The following MAP7D2 variants were observed in gnomAD, a reference collection of about 807,000 sequenced individuals.
MAP7D2 encodes the protein MAP7 domain containing 2, also known as MAP7 domain-containing protein 2.
In MAP7D2, 33 loss-of-function variants were observed where a neutral mutation model predicts 63.5. The observed-to-expected ratio is 0.52, with a 90% CI of 0.39 to 0.70. The LOEUF (loss-of-function observed/expected upper bound fraction) is 0.70, where lower values mean the gene tolerates loss of function less well. Among genes scored for constraint, MAP7D2 ranks in the 30% least tolerant of loss-of-function variants. MAP7D2 has a pLI of 0.00. For synonymous variants in MAP7D2, 224 were observed against 223.7 expected, an observed-to-expected ratio of 1.00 and a Z score of -0.01; for missense variants, 626 against 604.0, an observed-to-expected ratio of 1.04 and a Z score of -0.38.
At chrX:20,029,028 G>A (rs1371537028) in intron 8 of MAP7D2, among the ~76,000 whole-genome samples, 2 of 112,100 alleles carry the variant, frequency 1.8e-5, no homozygotes, top group Non-Finnish European at 3.8e-5. Flanking sequence ...TGGTGAGAAT[G>A]AGCAAAGCTG....
At chrX:20,105,024 C>T (rs1383048815) in intron 1 of MAP7D2, among the ~76,000 whole-genome samples, 1 of 111,657 alleles carries the variant, frequency 9.0e-6, no homozygotes, top group Non-Finnish European at 1.9e-5. Context: ...GCCCAGTTTA[C>T]GATTCAGACG....
chrX:20,106,857 C>T (rs916945399), intron 1 of MAP7D2, among the ~76,000 whole-genome samples: 2 of 110,779 alleles, frequency 1.8e-5, no homozygotes, highest in African/African-American at 6.6e-5. Context: ...GTGGCACTCA[C>T]CTGTGGTCCT....
intron 6 of MAP7D2, among the ~76,000 whole-genome samples, chrX:20,044,766 C>T (rs886989321): frequency 9.0e-6 from 1 of 111,156 alleles, no homozygotes; most frequent in African/African-American, 3.3e-5. Context: ...CTAGCACTGC[C>T]ACCTAATAGC....
intron 1 of MAP7D2, among the ~76,000 whole-genome samples, chrX:20,071,782 C>A (rs2065508285): frequency 8.9e-6 from 1 of 112,038 alleles, no homozygotes; most frequent in African/African-American, 3.3e-5. Flanking sequence ...CTGTCTAGGT[C>A]TGTTTGTTTT....
intron 7 of MAP7D2, among the ~76,000 whole-genome samples, chrX:20,043,263 G>A (rs758927726): frequency 8.9e-6 from 1 of 112,549 alleles, no homozygotes; most frequent in African/African-American, 3.2e-5. Context: ...GCACTTCTAA[G>A]AGCCACAACA....
chrX:20,093,436 T>A (rs1222453587), intron 1 of MAP7D2, among the ~76,000 whole-genome samples: 2 of 111,587 alleles, frequency 1.8e-5, no homozygotes, highest in African/African-American at 6.5e-5. Context: ...GCAGAAGGAC[T>A]ACCTGAGGTC....
intron 1 of MAP7D2, among the ~76,000 whole-genome samples, chrX:20,102,361 G>A (rs2066455892): frequency 9.0e-6 from 1 of 111,270 alleles, no homozygotes; most frequent in African/African-American, 3.3e-5. Flanking sequence ...AGACAGGAAT[G>A]AAGATGGCAG....
chrX:20,085,385 A>C (rs916847102), intron 1 of MAP7D2, among the ~76,000 whole-genome samples: 3 of 112,251 alleles, frequency 2.7e-5, no homozygotes, highest in African/African-American at 9.7e-5. Context: ...GTTCTTAAAA[A>C]AATACAGCAT....
chrX:20,098,388 AAG>A (rs1298276371), intron 1 of MAP7D2, among the ~76,000 whole-genome samples: 3 of 112,399 alleles, frequency 2.7e-5, no homozygotes, highest in Non-Finnish European at 5.6e-5. Flanking sequence ...ACAGTTAGAG[AAG>A]AGAGACACCA....
At chrX:20,044,813 C>G (rs1286371604) in intron 6 of MAP7D2, among the ~76,000 whole-genome samples, 4 of 110,973 alleles carry the variant, frequency 3.6e-5, no homozygotes, top group African/African-American at 1.3e-4. Context: ...CCTCTCTAAA[C>G]ATCGATTTCC....
chrX:20,013,405 T>C (rs1052870107), intron 13 of MAP7D2, among the ~76,000 whole-genome samples, 164 bp downstream of exon 13: 3 of 111,861 alleles, frequency 2.7e-5, no homozygotes, highest in Non-Finnish European at 5.6e-5. Context: ...AGCCCCTCTT[T>C]CTTTTCAGGT....
chrX:20,013,690 G>T, intron 12 of MAP7D2, 65 bp from the exon 13 acceptor site: 1 of 810,076 alleles, frequency 1.2e-6, no homozygotes, highest in Non-Finnish European at 1.8e-6. Context: ...CATAAAAGTA[G>T]CTTGGTTTAC....
intron 1 of MAP7D2, among the ~76,000 whole-genome samples, chrX:20,093,015 AATCT>A (rs1841784781): frequency 8.9e-6 from 1 of 111,842 alleles, no homozygotes; most frequent in Non-Finnish European, 1.9e-5. Flanking sequence ...GTGACTGATC[AATCT>A]GAGACCAGCT....
chrX:20,012,981 G>A, intron 14 of MAP7D2, 73 bp downstream of exon 14: 1 of 916,036 alleles, frequency 1.1e-6, no homozygotes, highest in South Asian at 2.1e-5. Context: ...CCATGGGTCT[G>A]TTTACCCTAC....
chrX:20,030,184 T>A (rs1203792460), intron 8 of MAP7D2, among the ~76,000 whole-genome samples: 1 of 112,424 alleles, frequency 8.9e-6, no homozygotes, highest in Non-Finnish European at 1.9e-5. Context: ...TCTATTTGAT[T>A]GCCACAGTAA....
chrX:20,107,159 A>G (rs996733923), intron 1 of MAP7D2, among the ~76,000 whole-genome samples: 1 of 110,937 alleles, frequency 9.0e-6, no homozygotes, highest in Middle Eastern at 4.7e-3. Context: ...TCATCCTTGG[A>G]GAGGATTGTG....
chrX:20,015,188 A>G, intron 12 of MAP7D2, 35 bp downstream of exon 12: 1 of 1,060,723 alleles, frequency 9.4e-7, no homozygotes, highest in African/African-American at 1.8e-5. Flanking sequence ...CTTCCTGTTC[A>G]CTTACCCTAG....
At position 20,025,531 on chromosome X, in the gene MAP7D2, C is replaced by G. The variant is rs916998913; in HGVS notation, c.1279+150G>C. 7 of 692,283 alleles carry G rather than the reference C, an allele frequency of 1.0e-5. No individual in the cohort carries two copies. In the African/African-American group the frequency reaches 1.3e-4, roughly 13 times the overall value. The allele number at this position is 692,283 out of a possible 1,213,427, so 57.1% of individuals were successfully genotyped here. On this transcript the variant is annotated intron_variant, in intron 9 of 16. Coordinates refer to ENST00000379643, the MANE Select transcript of MAP7D2 (RefSeq NM_001168465.2). ...AAGACTGAAGGAAAGAACTCAGGAG[C>G]AACGTGCAAACCCAAGAAAGCTGCA...
At chrX:20,113,702 T>C (rs2066810667) in intron 1 of MAP7D2, among the ~76,000 whole-genome samples, 3 of 111,139 alleles carry the variant, frequency 2.7e-5, no homozygotes, top group African/African-American at 9.8e-5. Flanking sequence ...TGTGGCTACA[T>C]AGTAGGTAGT....
Sources: allele counts gnomAD v4.1 joint callset (sites outside exome capture counted in the v4.1 genomes callset), GRCh38; gene constraint gnomAD v4.1.1; transcripts MANE v1.5; gene names NCBI Gene and HGNC (gene_info 2026-07-23, HGNC 2026-07-21).